Variants in RIPOR2 observed in about 807,000 individuals in gnomAD.
The protein encoded by RIPOR2 is RHO family interacting cell polarization regulator 2.
A neutral mutation model predicts 114.5 loss-of-function variants in RIPOR2; 39 were observed. The observed-to-expected ratio is 0.34, with a 90% CI of 0.26 to 0.44. RIPOR2 has a LOEUF of 0.44. RIPOR2 is among the 20% of genes least tolerant of loss of function. The pLI is 1.00. For missense variants in RIPOR2, 1,007 were observed against 1,255.1 expected (o/e 0.80, Z 2.99); for synonymous variants, 445 against 484.4 (o/e 0.92, Z 1.07).
Position 24,872,868 on chromosome 6 carries a change from G to A in RIPOR2, c.423+13C>T, listed in dbSNP as rs776323622. On this transcript the variant is annotated intron_variant, in intron 4 of 21. Transcript: ENST00000643898. The stretch of plus-strand genomic sequence containing the variant: ...GAACAGTGTTAACATCATAATGACT[G>A]CATAGTACCTACCAGGCGAGAGTTT... 2.6e-5 allele frequency: 41 copies of A among 1,560,620 alleles called. No individual in the cohort carries two copies. In the South Asian group the frequency reaches 4.0e-4, roughly 15 times the overall value.
At chr6:24,918,268 C>T (rs769327793) in intron 1 of RIPOR2, among the ~76,000 whole-genome samples, 2 of 152,182 alleles carry the variant, frequency 1.3e-5, no homozygotes, top group Admixed American at 1.3e-4. Flanking sequence ...ATGAGGGAGC[C>T]GTCAGCTTCC....
At chr6:24,868,643 G>T (rs2113864675) in intron 6 of RIPOR2, among the ~76,000 whole-genome samples, 1 of 152,312 alleles carries the variant, frequency 6.6e-6, no homozygotes, top group South Asian at 2.1e-4. Context: ...AGTGGAAAGA[G>T]CCAAGGGCTT....
chr6:24,962,093 C>T (rs556101604), intron 1 of RIPOR2, among the ~76,000 whole-genome samples: 5 of 152,300 alleles, frequency 3.3e-5, no homozygotes, highest in African/African-American at 1.2e-4. Context: ...CGCCAGAACC[C>T]ATGCTTTCAA....
At chr6:25,014,216 C>T (rs1019981066) in intron 1 of RIPOR2, among the ~76,000 whole-genome samples, 1 of 152,058 alleles carries the variant, frequency 6.6e-6, no homozygotes, top group African/African-American at 2.4e-5. Context: ...AGCTTTAAAC[C>T]GCTTGCTTGA....
intron 1 of RIPOR2, among the ~76,000 whole-genome samples, chr6:24,927,763 C>A (rs1378830374): frequency 6.6e-6 from 1 of 152,170 alleles, no homozygotes; most frequent in Non-Finnish European, 1.5e-5. Flanking sequence ...TGAATCTTCT[C>A]AGGGGTTAGG....
At chr6:24,912,838 G>C (rs1769768803) in intron 1 of RIPOR2, among the ~76,000 whole-genome samples, 1 of 152,184 alleles carries the variant, frequency 6.6e-6, no homozygotes, top group Non-Finnish European at 1.5e-5. Context: ...CCTTTTATGA[G>C]AGGGAGGAGG....
At chr6:24,862,879 G>T (rs1764213588) in intron 7 of RIPOR2, among the ~76,000 whole-genome samples, 1 of 151,194 alleles carries the variant, frequency 6.6e-6, no homozygotes, top group South Asian at 2.1e-4. Context: ...TGACCTCATT[G>T]TTAAATCCTC....
At chr6:25,019,635 G>A (rs1011408377) in intron 1 of RIPOR2, among the ~76,000 whole-genome samples, 3 of 150,920 alleles carry the variant, frequency 2.0e-5, no homozygotes, top group Non-Finnish European at 3.0e-5. Flanking sequence ...TTAGCCGGGC[G>A]TGGTGGCACG....
chr6:24,955,810 GC>G (rs1185254876), intron 1 of RIPOR2, among the ~76,000 whole-genome samples: 2 of 151,564 alleles, frequency 1.3e-5, no homozygotes, highest in South Asian at 2.1e-4. Flanking sequence ...TTCGAAACCA[GC>G]CTGGCCAACA....
At chr6:24,967,944 G>A (rs1275417571) in intron 1 of RIPOR2, among the ~76,000 whole-genome samples, 10 of 132,372 alleles carry the variant, frequency 7.6e-5, no homozygotes, top group South Asian at 6.9e-4. Flanking sequence ...ATGGAGTCTC[G>A]CTCTGTCACC....
At chr6:24,826,745 T>C (rs1581502830) in intron 18 of RIPOR2, among the ~76,000 whole-genome samples, 1 of 152,102 alleles carries the variant, frequency 6.6e-6, no homozygotes, top group South Asian at 2.1e-4. Context: ...AAGAATAAGA[T>C]AGAACATAAT....
In RIPOR2 at chr6:24,825,298, C is replaced by T. The variant is rs1216617181; in HGVS notation, c.2796G>A (p.Glu932=). 5 of 1,551,776 alleles carry T rather than the reference C, an allele frequency of 3.2e-6. No homozygotes were observed. In the African/African-American group the frequency reaches 4.1e-5, roughly 13 times the overall value. The part of the protein sequence containing the change: ...LRTLALLLTR[E]DNEVSEAVTL... ...TCACAGCCTCACTAACTTCGTTGTC[C>T]TCTCTGGTTAATAGCAGAGCCAGAG... Residue 932 remains glutamate (E), a synonymous_variant, in exon 19 of 22, where the codon GAG becomes GAA. Transcript: ENST00000643898.
At position 24,850,703 on chromosome 6, in the gene RIPOR2, C is replaced by T. The variant is rs781730252; in HGVS notation, c.779G>A (p.Arg260Gln). 40 of 1,613,636 alleles carry T rather than the reference C, an allele frequency of 2.5e-5. No individual in the cohort carries two copies. Among genetic ancestry groups the T allele is most frequent in the Admixed American group, 1.0e-4 (6 of 59,980 alleles). Residue 260 changes from arginine to glutamine, a missense_variant, in exon 10 of 22, where the codon CGG becomes CAG. Physicochemically the swap from Arg to Gln is conservative, Grantham distance 43. Transcript: ENST00000643898. ...DQYEIFMKYG[R>Q]QRWKLKGKIE... The stretch of plus-strand genomic sequence containing the variant: ...TTTGCCTTTCAGTTTCCACCGCTGC[C>T]GGCCATACTTCATGAAAATCTGGAG...
At chr6:24,967,890 T>G (rs1441724418) in intron 1 of RIPOR2, among the ~76,000 whole-genome samples, 1 of 151,128 alleles carries the variant, frequency 6.6e-6, no homozygotes, top group Non-Finnish European at 1.5e-5. Context: ...ACCACCTGTC[T>G]TGGCTGCAAG....
At chr6:24,974,106 T>C (rs1256284630) in intron 1 of RIPOR2, among the ~76,000 whole-genome samples, 1 of 152,024 alleles carries the variant, frequency 6.6e-6, no homozygotes, top group Non-Finnish European at 1.5e-5. Flanking sequence ...ATAAGTTGTG[T>C]TGGGTGGTGG....
chr6:24,859,270 G>C (rs1371397022), intron 8 of RIPOR2, among the ~76,000 whole-genome samples: 1 of 152,148 alleles, frequency 6.6e-6, no homozygotes, highest in African/African-American at 2.4e-5. Flanking sequence ...GCAGTGATAG[G>C]TGATGTGCAT....
chr6:24,819,551 TG>T (rs1380917936), intron 19 of RIPOR2, among the ~76,000 whole-genome samples: 1 of 151,622 alleles, frequency 6.6e-6, no homozygotes, highest in East Asian at 1.9e-4. Context: ...TCTCGCTCTG[TG>T]GCCCAGGCTG....
chr6:25,039,419 G>A (rs1472043489), intron 1 of RIPOR2, among the ~76,000 whole-genome samples: 1 of 152,162 alleles, frequency 6.6e-6, no homozygotes, highest in Non-Finnish European at 1.5e-5. Flanking sequence ...CAGGGCTCTT[G>A]ACCATCCTGG....
chr6:24,901,477 G>A (rs960818079), intron 1 of RIPOR2, among the ~76,000 whole-genome samples: 2 of 152,146 alleles, frequency 1.3e-5, no homozygotes, highest in East Asian at 1.9e-4. Flanking sequence ...GAAACACCAC[G>A]TGCCATTTCT....
Sources: gnomAD v4.1 joint callset for allele counts (sites outside exome capture counted in the v4.1 genomes callset) on GRCh38, gnomAD v4.1.1 for gene constraint, MANE v1.5 for transcripts, NCBI Gene and HGNC (gene_info 2026-07-23, HGNC 2026-07-21) for gene names.